ROR1: variants seen among roughly 807,000 people sequenced by gnomAD.
ROR1 encodes the protein inactive tyrosine-protein kinase transmembrane receptor ROR1.
In ROR1, 19 loss-of-function variants were observed where a neutral mutation model predicts 78.8. The observed-to-expected ratio is 0.24, with a 90% CI of 0.17 to 0.35. The LOEUF is 0.35. Among genes scored for constraint, ROR1 ranks in the 10% least tolerant of loss-of-function variants. The pLI is 1.00. For synonymous variants in ROR1, 386 were observed against 433.6 expected (o/e 0.89, Z 1.36); for missense variants, 917 against 1,177.8 (o/e 0.78, Z 3.24).
At chr1:64,056,545 G>A (rs548616215) in intron 4 of ROR1, among the ~76,000 whole-genome samples, 55 of 151,636 alleles carry the variant, frequency 3.6e-4, no homozygotes, top group South Asian at 8.3e-4. Context: ...GTGTGGTGGC[G>A]AGCATCTGTA....
chr1:63,953,410 A>G (rs535523225), intron 1 of ROR1, among the ~76,000 whole-genome samples: 9 of 152,208 alleles, frequency 5.9e-5, no homozygotes, highest in African/African-American at 1.9e-4. Flanking sequence ...TGACAACAAT[A>G]ATAACTAGTA....
intron 1 of ROR1, among the ~76,000 whole-genome samples, chr1:63,800,978 T>G (rs1569733447): frequency 6.6e-6 from 1 of 151,128 alleles, no homozygotes; most frequent in African/African-American, 2.4e-5. Context: ...TTTTTTTTGG[T>G]GAGGATTAAA....
At chr1:63,794,736 C>T (rs149851909) in intron 1 of ROR1, among the ~76,000 whole-genome samples, 3 of 152,168 alleles carry the variant, frequency 2.0e-5, no homozygotes, top group Admixed American at 1.3e-4. Context: ...GAGGAAGCAG[C>T]GAGCAAGAAG....
chr1:63,893,739 CA>C (rs1189565848), intron 1 of ROR1, among the ~76,000 whole-genome samples: 3 of 152,102 alleles, frequency 2.0e-5, no homozygotes, highest in Non-Finnish European at 2.9e-5. Context: ...TGGTGCTATA[CA>C]AAGTGGGTCA....
At chr1:64,163,213 A>G (rs964353361) in intron 8 of ROR1, among the ~76,000 whole-genome samples, 246 of 133,732 alleles carry the variant, frequency 1.8e-3, no homozygotes, top group African/African-American at 6.6e-3. Context: ...GGGAAACCCC[A>G]TCTCTACAAA....
At chr1:64,080,664 G>A (rs1167400349) in intron 4 of ROR1, among the ~76,000 whole-genome samples, 2 of 152,212 alleles carry the variant, frequency 1.3e-5, no homozygotes, top group African/African-American at 4.8e-5. Context: ...AGGCAGAGAT[G>A]CCACAGCTTG....
intron 1 of ROR1, among the ~76,000 whole-genome samples, chr1:63,831,154 C>A (rs1279265026): frequency 6.6e-6 from 1 of 152,192 alleles, no homozygotes; most frequent in East Asian, 1.9e-4. Flanking sequence ...AGTGCCTGCA[C>A]CTTTTCCAGG....
At chr1:64,133,050 A>T (rs1466032378) in intron 4 of ROR1, among the ~76,000 whole-genome samples, 1 of 152,020 alleles carries the variant, frequency 6.6e-6, no homozygotes, top group African/African-American at 2.4e-5. Flanking sequence ...AGTATATGAA[A>T]CTGGAAATCT....
intron 1 of ROR1, among the ~76,000 whole-genome samples, chr1:63,784,534 A>G (rs1405570846): frequency 6.6e-6 from 1 of 152,168 alleles, no homozygotes; most frequent in African/African-American, 2.4e-5. Flanking sequence ...ACCTGGGAAA[A>G]TTTACTTGCA....
intron 4 of ROR1, among the ~76,000 whole-genome samples, chr1:64,080,955 C>G (rs1647096834): frequency 6.6e-6 from 1 of 152,234 alleles, no homozygotes; most frequent in Non-Finnish European, 1.5e-5. Context: ...TTATGACCCT[C>G]TGAGAATCCC....
intron 3 of ROR1, 44 bp downstream of exon 3, chr1:64,050,022 A>T: frequency 1.3e-6 from 2 of 1,597,238 alleles, no homozygotes; most frequent in Non-Finnish European, 1.7e-6. Flanking sequence ...CCTCAGCCCA[A>T]TGTGGTAGGA....
chr1:64,021,437 T>C (rs531460038), intron 2 of ROR1, among the ~76,000 whole-genome samples: 15 of 152,324 alleles, frequency 9.8e-5, no homozygotes, highest in African/African-American at 2.6e-4. Context: ...CTCATGAACC[T>C]CACTTTCTGG....
intron 4 of ROR1, among the ~76,000 whole-genome samples, chr1:64,090,953 G>C (rs1174775049): frequency 1.3e-5 from 2 of 151,800 alleles, no homozygotes; most frequent in African/African-American, 2.4e-5. Context: ...TATAATTCAA[G>C]TAATCCTCAA....
intron 1 of ROR1, among the ~76,000 whole-genome samples, chr1:63,977,063 G>A (rs1646167175): frequency 6.6e-6 from 1 of 152,192 alleles, no homozygotes; most frequent in South Asian, 2.1e-4. Flanking sequence ...AAGAATGAGA[G>A]TGAAGTGGGG....
At chr1:64,027,695 CTT>C (rs796409595) in intron 2 of ROR1, among the ~76,000 whole-genome samples, 5 of 143,874 alleles carry the variant, frequency 3.5e-5, no homozygotes, top group East Asian at 2.0e-4. Flanking sequence ...CGTTCTTTTT[CTT>C]TTTTTTTTTT....
intron 1 of ROR1, among the ~76,000 whole-genome samples, chr1:63,985,052 T>C (rs1646240134): frequency 6.6e-6 from 1 of 152,150 alleles, no homozygotes. Context: ...TATTACTACA[T>C]ACCCAGGGTG....
chr1:64,161,615 A>G (rs1029547260), intron 8 of ROR1, among the ~76,000 whole-genome samples: 3 of 152,224 alleles, frequency 2.0e-5, no homozygotes, highest in African/African-American at 7.2e-5. Context: ...GAGTTTTCCC[A>G]GAGACTGGGT....
chr1:63,783,340 A>G (rs1644664692), intron 1 of ROR1, among the ~76,000 whole-genome samples: 1 of 152,096 alleles, frequency 6.6e-6, no homozygotes, highest in South Asian at 2.1e-4. Context: ...ATGGTGTCTT[A>G]TTGTCTCTAA....
At chr1:63,927,955 T>G (rs1645719193) in intron 1 of ROR1, among the ~76,000 whole-genome samples, 2 of 57,364 alleles carry the variant, frequency 3.5e-5, no homozygotes, top group Non-Finnish European at 6.8e-5. Flanking sequence ...ATGTAAGGGG[T>G]TCCCTTTTTT....
Sources: allele counts gnomAD v4.1 joint callset (sites outside exome capture counted in the v4.1 genomes callset), GRCh38; gene constraint gnomAD v4.1.1; transcripts MANE v1.5; gene names NCBI Gene and HGNC (gene_info 2026-07-23, HGNC 2026-07-21).